The following HSPB1 variants were observed in gnomAD, a reference collection of about 807,000 sequenced individuals.
HSPB1 encodes heat shock protein family B (small) member 1.
A neutral mutation model predicts 17.0 loss-of-function variants in HSPB1; 19 were observed. That is an observed-to-expected ratio of 1.12 (90% confidence interval 0.78 to 1.64). HSPB1 has a LOEUF of 1.64. HSPB1 is among the 40% of genes most tolerant of loss of function. The pLI, the probability that HSPB1 is intolerant of heterozygous loss-of-function variation, is 0.00. For missense variants in HSPB1, 348 were observed against 289.2 expected, an observed-to-expected ratio of 1.20 and a Z score of -1.47; for synonymous variants, 165 against 129.8, an observed-to-expected ratio of 1.27 and a Z score of -1.84.
chr7:76,303,550 A>G lies in HSPB1; in HGVS notation c.365-252A>G, dbSNP rs1329504394. On this transcript the variant is annotated intron_variant, in intron 1 of 2. Coordinates refer to ENST00000248553, the MANE Select transcript of HSPB1 (RefSeq NM_001540.5). Reference sequence around the variant, plus strand: ...CTGAGTGGGCGTGTGCGCGGCTCCAAGTGCGCCTGCGTACTGCTCACTCCC... The same window carrying G: ...CTGAGTGGGCGTGTGCGCGGCTCCAGGTGCGCCTGCGTACTGCTCACTCCC... 6.8e-5 allele frequency: 40 copies of G among 585,636 alleles called. No homozygotes were observed. The South Asian group carries it at 7.0e-4, about 10-fold the overall frequency. 36.3% of individuals were successfully genotyped at this position (585,636 alleles called of 1,614,324 possible).
intron 1 of HSPB1, chr7:76,303,493 G>T: frequency 3.6e-6 from 2 of 562,376 alleles, no homozygotes; most frequent in East Asian, 3.0e-5. Flanking sequence ...GATAAGCGGG[G>T]AGTTCCCTGG....
chr7:76,302,842 C>T lies in HSPB1; in HGVS notation c.130C>T (p.Gln44Ter). 6.2e-7 allele frequency: 1 copy of T among 1,601,032 alleles called. No homozygotes were observed. The highest frequency in any genetic ancestry group is 2.2e-5 in the East Asian group (1 of 44,548). Reference protein sequence around the residue: ...GLPRLPEEWSQWLGGSSWPGY... With the variant: ...GLPRLPEEWS Reference sequence around the variant, plus strand: ...GCCCCGGCTGCCGGAGGAGTGGTCGCAGTGGTTAGGCGGCAGCAGCTGGCC... The same window carrying T: ...GCCCCGGCTGCCGGAGGAGTGGTCGTAGTGGTTAGGCGGCAGCAGCTGGCC... The change falls in exon 1 of 3, where the codon CAG (glutamine) becomes TAG (stop). Residue 44 changes from glutamine (Q) to a stop codon, truncating the protein, a stop_gained. Transcript: ENST00000248553. LOFTEE classifies it high-confidence loss of function.
chr7:76,303,345 T>C, intron 1 of HSPB1: 2 of 498,540 alleles, frequency 4.0e-6, no homozygotes, highest in Non-Finnish European at 7.1e-6. Flanking sequence ...CTGGGCAACA[T>C]AGCGAGACGC....
At position 76,302,965 on chromosome 7, in the gene HSPB1, G is replaced by C. The variant is rs773758650; in HGVS notation, c.253G>C (p.Val85Leu). ...GCTCAGCCGGCAACTCAGCAGCGGG[G>C]TCTCGGAGATCCGGCACACTGCGGA... Reference protein sequence around the residue: ...RALSRQLSSGVSEIRHTADRW... With the variant: ...RALSRQLSSGLSEIRHTADRW... Residue 85 changes from valine (V) to leucine (L), a missense_variant, in exon 1 of 3, where the codon GTC becomes CTC. Val to Leu is a conservative substitution (Grantham distance 32). Transcript: ENST00000248553. 6.5e-7 allele frequency: 1 copy of C among 1,544,300 alleles called. No homozygotes were observed. Among genetic ancestry groups the C allele is most frequent in the Non-Finnish European group, 8.7e-7 (1 of 1,150,354 alleles).
intron 1 of HSPB1, chr7:76,303,451 G>GTCCCCTTCCCACCCAC: frequency 2.1e-6 from 1 of 477,818 alleles, no homozygotes; most frequent in African/African-American, 3.0e-5. Context: ...CTTTTCTACA[G>GTCCCCTTCCCACCCAC]AGTCCCCTTC....
intron 1 of HSPB1, 63 bp from the exon 2 acceptor site, chr7:76,303,738 TG>T: frequency 6.8e-7 from 1 of 1,479,266 alleles, no homozygotes; most frequent in Non-Finnish European, 9.4e-7. Flanking sequence ...GTGGGGCCTC[TG>T]GCCTAGCGGG....
rs748696628 is a variant in HSPB1 at position 76,302,871 on chromosome 7, C to T, written c.159C>T (p.Gly53=). ...GGTTAGGCGGCAGCAGCTGGCCAGG[C>T]TACGTGCGCCCCCTGCCCCCCGCCG... ...SQWLGGSSWP[G]YVRPLPPAAI... The change falls in exon 1 of 3, where the codon GGC becomes GGT. Residue 53 remains glycine, a synonymous_variant. Coordinates refer to ENST00000248553, the MANE Select transcript of HSPB1 (RefSeq NM_001540.5). 4 of 1,577,646 alleles carry T rather than the reference C, an allele frequency of 2.5e-6. No individual in the cohort carries two copies. Among genetic ancestry groups the T allele is most frequent in the Non-Finnish European group, 2.6e-6 (3 of 1,167,038 alleles).
At chr7:76,303,414 A>C in intron 1 of HSPB1, 1 of 474,050 alleles carries the variant, frequency 2.1e-6, no homozygotes. Flanking sequence ...ATTTTTTTAA[A>C]GATCATCGAT....
rs1317974493 is a variant in HSPB1 at position 76,302,753 on chromosome 7, C to G, written c.41C>G (p.Pro14Arg). The change falls in exon 1 of 3, where the codon CCC (proline) becomes CGC (arginine). Residue 14 changes from proline to arginine, a missense_variant. Physicochemically the swap from Pro to Arg is moderately radical, Grantham distance 103 (BLOSUM62 -2). Coordinates refer to ENST00000248553, the MANE Select transcript of HSPB1 (RefSeq NM_001540.5). The stretch of plus-strand genomic sequence containing the variant: ...GTCCCCTTCTCGCTCCTGCGGGGCC[C>G]CAGCTGGGACCCCTTCCGCGACTGG... The part of the protein sequence containing the change: ...RRVPFSLLRG[P>R]SWDPFRDWYP... The G allele has an allele frequency of 1.9e-6, 3 of 1,606,692 alleles. No homozygotes were observed. The African/African-American group carries it at 4.0e-5, about 21-fold the overall frequency.
rs199607823 is a variant in HSPB1 at position 76,304,164 on chromosome 7, C to T, written c.609C>T (p.Ala203=). Reference sequence around the variant, plus strand: ...AAGCTGCAAAATCCGATGAGACTGCCGCCAAGTAAAGCCTTAGCCCGGATG... The same window carrying T: ...AAGCTGCAAAATCCGATGAGACTGCTGCCAAGTAAAGCCTTAGCCCGGATG... ...GPEAAKSDET[A]AK The change falls in exon 3 of 3, where the codon GCC becomes GCT. Residue 203 remains alanine, a synonymous_variant. Coordinates refer to ENST00000248553, the MANE Select transcript of HSPB1 (RefSeq NM_001540.5). 7.5e-6 allele frequency: 12 copies of T among 1,610,566 alleles called. No individual in the cohort carries two copies. The highest frequency in any genetic ancestry group is 4.4e-5 in the South Asian group (4 of 90,530).
At position 76,303,075 on chromosome 7, in the gene HSPB1, C is replaced by T. The variant is rs978986405; in HGVS notation, c.363C>T (p.Thr121=). The T allele has an allele frequency of 2.0e-6, 3 of 1,522,908 alleles. No homozygotes were observed. The highest frequency in any genetic ancestry group is 2.0e-5 in the Admixed American group (1 of 50,556). 94.3% of individuals were successfully genotyped at this position (1,522,908 alleles called of 1,614,324 possible). ...CCAAGGATGGCGTGGTGGAGATCAC[C>T]GGTGAGCCCCCCTGCTCCTGCAGGG... is the stretch of plus-strand genomic sequence containing the variant. The part of the protein sequence containing the change: ...VKTKDGVVEI[T]GKHEERQDEH... The change falls in exon 1 of 3, where the codon ACC becomes ACT. Residue 121 remains threonine (T), a splice_region_variant and synonymous_variant. Coordinates refer to ENST00000248553, the MANE Select transcript of HSPB1 (RefSeq NM_001540.5).
rs1064796370 is a variant in HSPB1 at position 76,302,886 on chromosome 7, G to GC, written c.180dup (p.Ala61ArgfsTer100). ...GCTGGCCAGGCTACGTGCGCCCCCT[G>GC]CCCCCCGCCGCCATCGAGAGCCCCG... On this transcript the variant is annotated frameshift_variant, in exon 1 of 3. Coordinates refer to ENST00000248553, the MANE Select transcript of HSPB1 (RefSeq NM_001540.5). LOFTEE classifies it high-confidence loss of function. The GC allele has an allele frequency of 3.1e-5, 48 of 1,559,206 alleles. No homozygotes were observed. The highest frequency in any genetic ancestry group is 4.0e-5 in the Non-Finnish European group (46 of 1,158,200).
At chr7:76,303,102 A>AG (rs1563652133) in intron 1 of HSPB1, 26 bp downstream of exon 1, 37 of 1,506,046 alleles carry the variant, frequency 2.5e-5, no homozygotes, top group Non-Finnish European at 3.3e-5. Flanking sequence ...CCTGCAGGGG[A>AG]GAGGAGGAGG....
chr7:76,303,212 T>C, intron 1 of HSPB1, 136 bp downstream of exon 1: 1 of 1,058,822 alleles, frequency 9.4e-7, no homozygotes, highest in Non-Finnish European at 1.3e-6. Context: ...ACAGGACTCC[T>C]GATTCCCTTG....
Position 76,303,865 on chromosome 7 carries a change from CGT to C in HSPB1, c.428+2_428+3del. On this transcript the variant is annotated splice_donor_variant, in intron 2 of 2. Coordinates refer to ENST00000248553, the MANE Select transcript of HSPB1 (RefSeq NM_001540.5). LOFTEE classifies it high-confidence loss of function. ...TCCCGGTGCTTCACGCGGAAATACA[CGT>C]GAGTCCTGGCGCCAGGTCGGGGTGG... 8.0e-7 allele frequency: 1 copy of C among 1,243,418 alleles called. No individual in the cohort carries two copies. The highest frequency in any genetic ancestry group is 1.8e-5 in the Admixed American group (1 of 55,030). 77.0% of individuals were successfully genotyped at this position (1,243,418 alleles called of 1,614,324 possible). A position where few individuals can be genotyped will look rare whatever the true frequency, so the allele number is the denominator to read the frequency against.
Position 76,303,084 on chromosome 7 carries a change from C to T in HSPB1, c.364+8C>T. ...GCGTGGTGGAGATCACCGGTGAGCC[C>T]CCCTGCTCCTGCAGGGGAGAGGAGG... On this transcript the variant is annotated splice_region_variant and intron_variant, in intron 1 of 2. Transcript: ENST00000248553. The T allele has an allele frequency of 4.6e-6, 7 of 1,517,928 alleles. No homozygotes were observed. Among genetic ancestry groups the T allele is most frequent in the Non-Finnish European group, 6.2e-6 (7 of 1,133,458 alleles). The allele number at this position is 1,517,928 out of a possible 1,614,324, so 94.0% of individuals were successfully genotyped here. A position where few individuals can be genotyped will look rare whatever the true frequency, so the allele number is the denominator to read the frequency against.
At chr7:76,303,481 C>A (rs1290912567) in intron 1 of HSPB1, 3 of 557,586 alleles carry the variant, frequency 5.4e-6, no homozygotes, top group Non-Finnish European at 6.4e-6. Context: ...GCCCCATCCC[C>A]AGATAAGCGG....
intron 1 of HSPB1, 183 bp downstream of exon 1, chr7:76,303,259 C>G (rs1023617762): frequency 4.3e-6 from 3 of 691,796 alleles, no homozygotes; most frequent in Non-Finnish European, 7.0e-6. Context: ...TCTAAGGGCG[C>G]TTTCTGCTCT....
Position 76,303,825 on chromosome 7 carries a change from G to C in HSPB1, c.388G>C (p.Glu130Gln), listed in dbSNP as rs898362811. The C allele has an allele frequency of 1.2e-6, 2 of 1,610,208 alleles. No homozygotes were observed. The highest frequency in any genetic ancestry group is 1.7e-5 in the Admixed American group (1 of 59,910). The change falls in exon 2 of 3, where the codon GAG becomes CAG. Residue 130 changes from glutamate (E) to glutamine (Q), a missense_variant. Physicochemically the swap from Glu to Gln is conservative, Grantham distance 29 (BLOSUM62 2). Coordinates refer to ENST00000248553, the MANE Select transcript of HSPB1 (RefSeq NM_001540.5). ...ITGKHEERQD[E>Q]HGYISRCFTR... is the part of the protein sequence containing the mutation. ...AGGCAAGCACGAGGAGCGGCAGGACGAGCATGGCTACATCTCCCGGTGCTT... is the reference window on the plus strand; with the variant it reads ...AGGCAAGCACGAGGAGCGGCAGGACCAGCATGGCTACATCTCCCGGTGCTT...
Sources: allele counts gnomAD v4.1 joint callset, GRCh38; gene constraint gnomAD v4.1.1; transcripts MANE v1.5; gene names NCBI Gene and HGNC (gene_info 2026-07-23, HGNC 2026-07-21).